The following PRKCA variants were observed in gnomAD, a reference collection of about 807,000 sequenced individuals.
PRKCA encodes the protein protein kinase C alpha type.
A neutral mutation model predicts 87.0 loss-of-function variants in PRKCA; 27 were observed. The observed-to-expected ratio is 0.31, with a 90% CI of 0.23 to 0.43. PRKCA has a LOEUF of 0.43. PRKCA is among the 20% of genes least tolerant of loss of function. The pLI is 1.00. For synonymous variants in PRKCA, 329 were observed against 311.1 expected, an observed-to-expected ratio of 1.06 and a Z score of -0.61; for missense variants, 518 against 852.3, an observed-to-expected ratio of 0.61 and a Z score of 4.88.
intron 2 of PRKCA, among the ~76,000 whole-genome samples, chr17:66,333,643 G>T (rs1185531690): frequency 6.6e-6 from 1 of 152,134 alleles, no homozygotes; most frequent in Non-Finnish European, 1.5e-5. Flanking sequence ...CTACGTAAAT[G>T]GGAGGGAGTG....
intron 2 of PRKCA, among the ~76,000 whole-genome samples, chr17:66,339,046 G>A (rs1906878993): frequency 6.6e-6 from 1 of 152,160 alleles, no homozygotes; most frequent in South Asian, 2.1e-4. Flanking sequence ...AAACTAGATA[G>A]GTTAAGGAAT....
At chr17:66,531,280 C>T (rs775932515) in intron 3 of PRKCA, among the ~76,000 whole-genome samples, 1 of 152,208 alleles carries the variant, frequency 6.6e-6, no homozygotes, top group Non-Finnish European at 1.5e-5. Context: ...TTGGAGCCGC[C>T]GTTTCTTCCA....
intron 10 of PRKCA, 151 bp from the exon 11 acceptor site, chr17:66,738,613 G>T: frequency 1.5e-6 from 1 of 667,080 alleles, no homozygotes; most frequent in South Asian, 1.7e-5. Flanking sequence ...TTCTTTCTTT[G>T]GAAAAAAATG....
chr17:66,671,232 A>AAAAAAAAAC (rs1972173710), intron 5 of PRKCA, among the ~76,000 whole-genome samples: 1 of 150,996 alleles, frequency 6.6e-6, no homozygotes, highest in Admixed American at 6.6e-5. Flanking sequence ...AAAAAAAAAA[A>AAAAAAAAAC]AGACTGAAAA....
At chr17:66,487,251 A>G (rs771991360) in intron 2 of PRKCA, among the ~76,000 whole-genome samples, 1 of 152,174 alleles carries the variant, frequency 6.6e-6, no homozygotes, top group Non-Finnish European at 1.5e-5. Context: ...TAGCTCCCAC[A>G]TATGAGTGAG....
intron 2 of PRKCA, among the ~76,000 whole-genome samples, chr17:66,473,586 C>T (rs1451424427): frequency 1.3e-5 from 2 of 152,140 alleles, no homozygotes; most frequent in Admixed American, 1.3e-4. Context: ...ATAACTGCGG[C>T]ACCATCCAAA....
intron 13 of PRKCA, among the ~76,000 whole-genome samples, chr17:66,757,222 GAA>G (rs34461648): frequency 1.7e-3 from 227 of 130,416 alleles, no homozygotes; most frequent in African/African-American, 5.3e-3. Context: ...AGCAAAGACT[GAA>G]AAAAAAAAAA....
chr17:66,467,795 C>A, intron 2 of PRKCA, among the ~76,000 whole-genome samples: 1 of 151,946 alleles, frequency 6.6e-6, no homozygotes, highest in African/African-American at 2.4e-5. Context: ...TGGGCTCAAG[C>A]GATCCCCACG....
chr17:66,752,320 C>T (rs1297050061), intron 13 of PRKCA, among the ~76,000 whole-genome samples: 3 of 152,146 alleles, frequency 2.0e-5, no homozygotes, highest in East Asian at 3.9e-4. Flanking sequence ...TTGGGCTGGG[C>T]GTGGTGGCTC....
intron 13 of PRKCA, among the ~76,000 whole-genome samples, chr17:66,756,540 C>T (rs1974552173): frequency 6.6e-6 from 1 of 151,488 alleles, no homozygotes; most frequent in Admixed American, 6.6e-5. Flanking sequence ...AAAACAATTA[C>T]AGCACACTAA....
At chr17:66,392,624 C>G (rs1020532086) in intron 2 of PRKCA, among the ~76,000 whole-genome samples, 2 of 152,008 alleles carry the variant, frequency 1.3e-5, no homozygotes, top group East Asian at 1.9e-4. Context: ...GCAGAGGGGC[C>G]GTGTAGACCA....
At chr17:66,327,781 A>G (rs1355181921) in intron 2 of PRKCA, among the ~76,000 whole-genome samples, 1 of 152,194 alleles carries the variant, frequency 6.6e-6, no homozygotes, top group East Asian at 1.9e-4. Flanking sequence ...TCACAGAATG[A>G]GGTCTGAAAT....
intron 3 of PRKCA, among the ~76,000 whole-genome samples, chr17:66,591,601 T>C (rs1969805052): frequency 6.6e-6 from 1 of 152,232 alleles, no homozygotes; most frequent in African/African-American, 2.4e-5. Flanking sequence ...CTAAATAGTT[T>C]CTTCCCAGTA....
At chr17:66,475,198 A>G (rs900774742) in intron 2 of PRKCA, among the ~76,000 whole-genome samples, 1 of 152,240 alleles carries the variant, frequency 6.6e-6, no homozygotes, top group Middle Eastern at 3.4e-3. Context: ...CTGCAACCAC[A>G]ACAGTGAGGG....
chr17:66,475,926 T>A (rs1475486720), intron 2 of PRKCA, among the ~76,000 whole-genome samples: 1 of 152,174 alleles, frequency 6.6e-6, no homozygotes, highest in Non-Finnish European at 1.5e-5. Flanking sequence ...AGATGGAGTC[T>A]TGCTCTGTCG....
chr17:66,375,183 G>A (rs932997682), intron 2 of PRKCA, among the ~76,000 whole-genome samples: 1 of 152,150 alleles, frequency 6.6e-6, no homozygotes, highest in Non-Finnish European at 1.5e-5. Context: ...AGGATTAAGC[G>A]TCGAGGGAGA....
intron 3 of PRKCA, among the ~76,000 whole-genome samples, chr17:66,509,311 A>G (rs1766904579): frequency 2.0e-5 from 3 of 152,064 alleles, no homozygotes; most frequent in African/African-American, 7.2e-5. Context: ...AGGAGAGCCA[A>G]TGGGATAGCA....
In PRKCA at chr17:66,688,489, A is replaced by T. The variant is rs553088218; in HGVS notation, c.821+53A>T. On this transcript the variant is annotated intron_variant, in intron 7 of 16. Coordinates refer to ENST00000413366, the MANE Select transcript of PRKCA (RefSeq NM_002737.3). The stretch of plus-strand genomic sequence containing the variant: ...TCTCAAAGCATCAGACCATTTAGAC[A>T]GTTAGGTTTCAGTCTCTCAAATGTC... The T allele has an allele frequency of 1.9e-5, 31 of 1,604,712 alleles. No homozygotes were observed. In the South Asian group the frequency reaches 3.0e-4, roughly 16 times the overall value.
intron 3 of PRKCA, among the ~76,000 whole-genome samples, chr17:66,514,129 C>T (rs979094896): frequency 2.6e-5 from 4 of 151,960 alleles, no homozygotes; most frequent in Non-Finnish European, 5.9e-5. Flanking sequence ...TCTTACTGTG[C>T]CTGATTTATA....
Sources: allele counts gnomAD v4.1 joint callset (sites outside exome capture counted in the v4.1 genomes callset), GRCh38; gene constraint gnomAD v4.1.1; transcripts MANE v1.5; gene names NCBI Gene and HGNC (gene_info 2026-07-23, HGNC 2026-07-21).